Variants in PKHD1L1 observed in about 807,000 individuals in gnomAD.
PKHD1L1 encodes fibrocystin-L.
Under a neutral mutation model 462.9 loss-of-function variants are expected in PKHD1L1, and 434 were observed. That is an observed-to-expected ratio of 0.94 (90% CI 0.87 to 1.02). The LOEUF (loss-of-function observed/expected upper bound fraction) is 1.02, where lower values mean the gene tolerates loss of function less well. PKHD1L1 is among the 50% of genes least tolerant of loss of function. PKHD1L1 has a pLI of 0.00. For synonymous variants in PKHD1L1, 1,781 were observed against 1,750.0 expected (o/e 1.02, Z -0.44); for missense variants, 5,202 against 5,096.1 (o/e 1.02, Z -0.63).
At chr8:109,395,677 G>A (rs181296644) in intron 10 of PKHD1L1, among the ~76,000 whole-genome samples, 134 of 152,244 alleles carry the variant, frequency 8.8e-4, no homozygotes, top group African/African-American at 2.3e-3. Flanking sequence ...CATAAACATA[G>A]GAAAGATTCA....
At chr8:109,408,660 C>A (rs1813687326) in intron 18 of PKHD1L1, among the ~76,000 whole-genome samples, 1 of 152,150 alleles carries the variant, frequency 6.6e-6, no homozygotes, top group South Asian at 2.1e-4. Flanking sequence ...AAGGCTTCAG[C>A]AGAGACCTTA....
In PKHD1L1 at chr8:109,408,149, A is replaced by C; in HGVS notation, c.1914A>C (p.Thr638=). 1.2e-6 allele frequency: 2 copies of C among 1,613,288 alleles called. No individual in the cohort carries two copies. The highest frequency in any genetic ancestry group is 1.7e-6 in the Non-Finnish European group (2 of 1,179,408). ...TKGKPNLETF[T]LNWDGIASKP... Reference sequence around the variant, plus strand: ...GAAAACCCAACTTGGAGACATTCACACTGAATTGGGATGGGATCGCTTCTA... The same window carrying C: ...GAAAACCCAACTTGGAGACATTCACCCTGAATTGGGATGGGATCGCTTCTA... The change falls in exon 18 of 78, where the codon ACA becomes ACC. Residue 638 remains threonine, a synonymous_variant. Transcript: ENST00000378402.
intron 46 of PKHD1L1, among the ~76,000 whole-genome samples, chr8:109,458,069 T>C (rs961635189): frequency 2.0e-5 from 3 of 152,174 alleles, no homozygotes; most frequent in African/African-American, 7.2e-5. Flanking sequence ...CATCTTTCTT[T>C]TTTTAATCCT....
chr8:109,440,713 C>T lies in PKHD1L1; in HGVS notation c.3960C>T (p.Asp1320=), dbSNP rs779381211. 4.3e-5 allele frequency: 69 copies of T among 1,603,676 alleles called. No individual in the cohort carries two copies. The South Asian group carries it at 7.7e-4, about 18-fold the overall frequency. Residue 1320 remains aspartate, a synonymous_variant, in exon 33 of 78, where the codon GAC becomes GAT. Transcript: ENST00000378402. Reference sequence around the variant, plus strand: ...ATCTATTCATTTTTTTTCTCAGAGACAAATTAAATTCTTCAATACAGTATG... The same window carrying T: ...ATCTATTCATTTTTTTTCTCAGAGATAAATTAAATTCTTCAATACAGTATG... ...VRNWGFASTR[D]KLNSSIQYVL...
chr8:109,450,768 T>C (rs1478628836), intron 40 of PKHD1L1, among the ~76,000 whole-genome samples: 1 of 152,228 alleles, frequency 6.6e-6, no homozygotes, highest in Admixed American at 6.5e-5. Context: ...GTCGAAGGGC[T>C]TTTTCTTCTG....
chr8:109,383,483 T>C (rs1252292188), intron 4 of PKHD1L1, among the ~76,000 whole-genome samples: 1 of 128,428 alleles, frequency 7.8e-6, no homozygotes, highest in African/African-American at 2.9e-5. Flanking sequence ...TATAAAACTA[T>C]TTTTATATAA....
intron 68 of PKHD1L1, among the ~76,000 whole-genome samples, chr8:109,506,836 G>A (rs1393222115): frequency 1.3e-5 from 2 of 151,980 alleles, no homozygotes; most frequent in African/African-American, 4.8e-5. Context: ...CTCTGCCCAT[G>A]GTATATATCA....
rs769999190 is a variant in PKHD1L1 at position 109,491,083 on chromosome 8, C to T, written c.10096C>T (p.His3366Tyr). 6.2e-7 allele frequency: 1 copy of T among 1,608,702 alleles called. No homozygotes were observed. Among genetic ancestry groups the T allele is most frequent in the South Asian group, 1.1e-5 (1 of 90,646 alleles). Residue 3366 changes from histidine (H) to tyrosine (Y), a missense_variant, in exon 61 of 78, where the codon CAC (histidine) becomes TAC (tyrosine). Physicochemically the swap from His to Tyr is moderately conservative, Grantham distance 83. Around this residue, in one of 3 missense-constraint regions of PKHD1L1, gnomAD observed 4,497 missense variants for 4,336.8 expected, o/e 1.04. Coordinates refer to ENST00000378402, the MANE Select transcript of PKHD1L1 (RefSeq NM_177531.6). ...ATTGGACATAGATGACAACATCATT[C>T]ACTTTACAGTGGGGGAAGGTAATAT... is the stretch of plus-strand genomic sequence containing the variant. ...DGLDIDDNII[H>Y]FTVGEGIRIW...
At position 109,507,903 on chromosome 8, in the gene PKHD1L1, G is replaced by A. The variant is rs369313028; in HGVS notation, c.11227+8G>A. On this transcript the variant is annotated splice_region_variant and intron_variant, in intron 69 of 77. Coordinates refer to ENST00000378402, the MANE Select transcript of PKHD1L1 (RefSeq NM_177531.6). The stretch of plus-strand genomic sequence containing the variant: ...AGAAAGCACCTCATAAAGGTTTGTT[G>A]GATCTTGCTTAATCTGTCATTAGGC... 1.2e-6 allele frequency: 2 copies of A among 1,612,750 alleles called. No homozygotes were observed. Among genetic ancestry groups the A allele is most frequent in the Admixed American group, 1.7e-5 (1 of 59,886 alleles).
Position 109,444,727 on chromosome 8 carries a change from G to T in PKHD1L1, c.4858G>T (p.Asp1620Tyr), listed in dbSNP as rs772421511. 2 of 1,613,838 alleles carry T rather than the reference G, an allele frequency of 1.2e-6. No homozygotes were observed. Among genetic ancestry groups the T allele is most frequent in the Non-Finnish European group, 1.7e-6 (2 of 1,179,770 alleles). Reference protein sequence around the residue: ...SSEDSITCHIDPQNSMDVGIR... With the variant: ...SSEDSITCHIYPQNSMDVGIR... ...TGAGGATTCAATTACATGTCATATT[G>T]ACCCTCAAAACTCAATGGATGTTGG... Residue 1620 changes from aspartate (D) to tyrosine (Y), a missense_variant, in exon 38 of 78, where the codon GAC becomes TAC. By Grantham distance (160) the Asp-to-Tyr change is radical. This residue lies in a region of PKHD1L1 where 4,497 missense variants were observed against 4,336.8 expected (regional missense o/e 1.04). Coordinates refer to ENST00000378402, the MANE Select transcript of PKHD1L1 (RefSeq NM_177531.6).
At chr8:109,477,156 C>A in intron 52 of PKHD1L1, 69 bp from the exon 53 acceptor site, 2 of 1,511,370 alleles carry the variant, frequency 1.3e-6, no homozygotes. Context: ...TCCAAAATTC[C>A]ATAATTTTGT....
chr8:109,507,955 T>G, intron 69 of PKHD1L1, 60 bp downstream of exon 69: 1 of 1,563,010 alleles, frequency 6.4e-7, no homozygotes, highest in Non-Finnish European at 8.7e-7. Flanking sequence ...AAAATATGTT[T>G]TATTTTTAAT....
intron 74 of PKHD1L1, among the ~76,000 whole-genome samples, chr8:109,522,541 G>A (rs551021175): frequency 6.6e-6 from 1 of 152,070 alleles, no homozygotes; most frequent in African/African-American, 2.4e-5. Context: ...GTTGTGTATT[G>A]GTTATAAATT....
At chr8:109,528,905 G>A (rs1411274154) in intron 77 of PKHD1L1, among the ~76,000 whole-genome samples, 1 of 152,100 alleles carries the variant, frequency 6.6e-6, no homozygotes, top group Non-Finnish European at 1.5e-5. Flanking sequence ...TGGGCAAATT[G>A]TAAAGAGCTT....
In PKHD1L1 at chr8:109,381,419, G is replaced by T. The variant is rs1812106575; in HGVS notation, c.213G>T (p.Leu71Phe). ...ACTATGGAGTTGATAACGCTGAGTTGGGAAACAGTGTGCAATTAATTTCTT... is the reference window on the plus strand; with the variant it reads ...ACTATGGAGTTGATAACGCTGAGTTTGGAAACAGTGTGCAATTAATTTCTT... ...QFNYGVDNAE[L>F]GNSVQLISSF... The change falls in exon 3 of 78, where the codon TTG (leucine) becomes TTT (phenylalanine). Residue 71 changes from leucine to phenylalanine, a missense_variant. Coordinates refer to ENST00000378402, the MANE Select transcript of PKHD1L1 (RefSeq NM_177531.6). The T allele has an allele frequency of 1.3e-6, 2 of 1,583,414 alleles. No individual in the cohort carries two copies. The highest frequency in any genetic ancestry group is 3.6e-5 in the Admixed American group (2 of 55,646).
chr8:109,388,338 GAGGTTC>G (rs1469559998), intron 6 of PKHD1L1, among the ~76,000 whole-genome samples, 153 bp from the exon 7 acceptor site: 1 of 152,146 alleles, frequency 6.6e-6, no homozygotes, highest in African/African-American at 2.4e-5. Context: ...CCACATAATA[GAGGTTC>G]AGTAGATGTT....
chr8:109,441,401 T>C (rs372027641), intron 34 of PKHD1L1, 22 bp downstream of exon 34: 8 of 1,338,010 alleles, frequency 6.0e-6, no homozygotes, highest in Middle Eastern at 1.9e-4. Flanking sequence ...TTATATACTA[T>C]GAAATAATGG....
intron 2 of PKHD1L1, among the ~76,000 whole-genome samples, chr8:109,370,113 A>C (rs1015160487): frequency 6.6e-6 from 1 of 151,936 alleles, no homozygotes; most frequent in Non-Finnish European, 1.5e-5. Context: ...ATTCTGTATT[A>C]TTTTTATTTA....
chr8:109,518,475 C>A lies in PKHD1L1; in HGVS notation c.11998C>A (p.Pro4000Thr). ...CATAATTGAAATAGAGATTGGAGAC[C>A]CTCCTATTCAGTTCATAAGCAATGG... ...GFIIEIEIGDPPIQFISNGTT... is the reference protein window; with the variant it reads ...GFIIEIEIGDTPIQFISNGTT... The change falls in exon 73 of 78, where the codon CCT becomes ACT. Residue 4000 changes from proline (P) to threonine (T), a missense_variant. Physicochemically the swap from Pro to Thr is conservative, Grantham distance 38. Coordinates refer to ENST00000378402, the MANE Select transcript of PKHD1L1 (RefSeq NM_177531.6). 2 of 1,604,646 alleles carry A rather than the reference C, an allele frequency of 1.2e-6. No homozygotes were observed. Among genetic ancestry groups the A allele is most frequent in the Non-Finnish European group, 8.5e-7 (1 of 1,179,114 alleles).
Sources: gnomAD v4.1 joint callset for allele counts (sites outside exome capture counted in the v4.1 genomes callset) on GRCh38, gnomAD v4.1.1 for gene constraint, gnomAD v4.1.1 regional missense constraint, MANE v1.5 for transcripts, NCBI Gene and HGNC (gene_info 2026-07-23, HGNC 2026-07-21) for gene names.